Variants in MDGA2 observed in about 807,000 individuals in gnomAD.
MDGA2 encodes the protein MAM domain-containing glycosylphosphatidylinositol anchor protein 2.
Under a neutral mutation model 117.8 loss-of-function variants are expected in MDGA2, and 40 were observed. The observed-to-expected ratio is 0.34, with a 90% CI of 0.26 to 0.44. The LOEUF (loss-of-function observed/expected upper bound fraction) is 0.44, where lower values mean the gene tolerates loss of function less well. Ranked by LOEUF, MDGA2 falls within the 20% of genes least tolerant of loss-of-function variation. The pLI, the probability that MDGA2 is intolerant of heterozygous loss-of-function variation, is 1.00. For synonymous variants in MDGA2, 452 were observed against 439.0 expected, an observed-to-expected ratio of 1.03 and a Z score of -0.37; for missense variants, 1,123 against 1,250.6, an observed-to-expected ratio of 0.90 and a Z score of 1.54.
rs550635256 is a variant in MDGA2 at position 47,531,779 on chromosome 14, G to T, written c.280+142738C>A. Among the ~76,000 whole-genome samples the T allele has an allele frequency of 7.9e-5, 12 of 152,234 alleles. No individual in the cohort carries two copies. In the South Asian group the frequency reaches 2.5e-3, roughly 32 times the overall value. ...ACCCTTTGAAATTAAGGAAATAATG[G>T]TTTCTTATTTGAAGCACTTATTTCT... On this transcript the variant is annotated intron_variant, in intron 1 of 16. Coordinates refer to ENST00000399232, the MANE Select transcript of MDGA2 (RefSeq NM_001113498.3).
At chr14:47,571,144 C>T (rs945269105) in intron 1 of MDGA2, among the ~76,000 whole-genome samples, 39 of 152,210 alleles carry the variant, frequency 2.6e-4, no homozygotes, top group African/African-American at 8.2e-4. Flanking sequence ...AGCCAACAAA[C>T]ATGAAAAAAA....
chr14:47,527,103 T>C (rs1894987761), intron 1 of MDGA2, among the ~76,000 whole-genome samples: 1 of 152,168 alleles, frequency 6.6e-6, no homozygotes, highest in Non-Finnish European at 1.5e-5. Context: ...CTTCACTTAA[T>C]TCACACAGAG....
chr14:47,614,323 C>T (rs1896910411), intron 1 of MDGA2, among the ~76,000 whole-genome samples: 1 of 152,020 alleles, frequency 6.6e-6, no homozygotes, highest in Non-Finnish European at 1.5e-5. Flanking sequence ...CTCCTGACTT[C>T]AAGTGATCCA....
chr14:47,101,064 G>C (rs571224324), intron 5 of MDGA2, among the ~76,000 whole-genome samples: 4 of 149,448 alleles, frequency 2.7e-5, no homozygotes, highest in African/African-American at 5.0e-5. Context: ...GATACTTGAT[G>C]AATGGAGGGA....
At chr14:47,015,527 A>G (rs1187680056) in intron 8 of MDGA2, among the ~76,000 whole-genome samples, 1 of 152,064 alleles carries the variant, frequency 6.6e-6, no homozygotes, top group African/African-American at 2.4e-5. Context: ...GGAAGTGAAA[A>G]CTGAGCTATC....
At chr14:47,140,794 T>C (rs1221925801) in intron 4 of MDGA2, among the ~76,000 whole-genome samples, 1 of 151,834 alleles carries the variant, frequency 6.6e-6, no homozygotes, top group African/African-American at 2.4e-5. Flanking sequence ...GAAACAGAAA[T>C]AGAGAAACAG....
intron 1 of MDGA2, among the ~76,000 whole-genome samples, chr14:47,500,725 T>C (rs1048127888): frequency 6.6e-6 from 1 of 152,096 alleles, no homozygotes; most frequent in Non-Finnish European, 1.5e-5. Context: ...AAAATCCATA[T>C]ATTCACAAGG....
At chr14:47,464,774 T>C (rs968668971) in intron 1 of MDGA2, among the ~76,000 whole-genome samples, 2 of 152,102 alleles carry the variant, frequency 1.3e-5, no homozygotes, top group Non-Finnish European at 2.9e-5. Flanking sequence ...ACAGACTCAA[T>C]GCTATTCCTA....
intron 8 of MDGA2, among the ~76,000 whole-genome samples, chr14:47,014,275 G>T (rs553938490): frequency 6.6e-6 from 1 of 152,136 alleles, no homozygotes; most frequent in Non-Finnish European, 1.5e-5. Flanking sequence ...AGTAGATTTA[G>T]CATGATTCTT....
intron 6 of MDGA2, among the ~76,000 whole-genome samples, chr14:47,083,662 G>T (rs1890788523): frequency 6.6e-6 from 1 of 151,896 alleles, no homozygotes; most frequent in African/African-American, 2.4e-5. Flanking sequence ...TAAAAAACAG[G>T]ACTCACCTAT....
chr14:47,123,794 T>C (rs1341571899), intron 5 of MDGA2, among the ~76,000 whole-genome samples: 2 of 152,054 alleles, frequency 1.3e-5, no homozygotes, highest in African/African-American at 4.8e-5. Context: ...AGCTATACCC[T>C]GTAGGCAGAA....
At chr14:47,185,943 A>G (rs969470144) in intron 3 of MDGA2, among the ~76,000 whole-genome samples, 4 of 151,610 alleles carry the variant, frequency 2.6e-5, no homozygotes, top group Admixed American at 2.0e-4. Context: ...ACATTTCAAT[A>G]CCTATTTATA....
intron 9 of MDGA2, among the ~76,000 whole-genome samples, chr14:46,932,925 T>C (rs1429455423): frequency 6.6e-6 from 1 of 152,068 alleles, no homozygotes; most frequent in Admixed American, 6.6e-5. Context: ...TCAGTAAGGT[T>C]GTAAGCAATA....
chr14:46,892,061 A>G (rs1882904739), intron 10 of MDGA2, among the ~76,000 whole-genome samples: 1 of 151,878 alleles, frequency 6.6e-6, no homozygotes, highest in South Asian at 2.1e-4. Flanking sequence ...ACAAGTGACA[A>G]CTTTATTAAA....
chr14:47,531,964 ATGT>A (rs1895110197), intron 1 of MDGA2, among the ~76,000 whole-genome samples: 2 of 152,332 alleles, frequency 1.3e-5, no homozygotes, highest in South Asian at 4.1e-4. Flanking sequence ...ATCAAAGCAA[ATGT>A]TGTAGAAAAT....
chr14:47,138,271 A>T (rs543206107), intron 4 of MDGA2, among the ~76,000 whole-genome samples: 1 of 152,160 alleles, frequency 6.6e-6, no homozygotes, highest in South Asian at 2.1e-4. Context: ...TTTGCAAGTG[A>T]ATTTTCATGA....
chr14:47,033,357 C>A (rs1302096215), intron 8 of MDGA2, among the ~76,000 whole-genome samples: 1 of 152,064 alleles, frequency 6.6e-6, no homozygotes, highest in Non-Finnish European at 1.5e-5. Context: ...AAGGAGTGAG[C>A]AGAGTGAAAA....
intron 3 of MDGA2, among the ~76,000 whole-genome samples, chr14:47,189,027 CAAG>C (rs1885013123): frequency 6.6e-6 from 1 of 152,134 alleles, no homozygotes; most frequent in Admixed American, 6.6e-5. Flanking sequence ...TCCTTAGAAA[CAAG>C]AAGCTTTGCT....
chr14:47,036,586 C>T (rs946039071), intron 7 of MDGA2, among the ~76,000 whole-genome samples: 3 of 152,150 alleles, frequency 2.0e-5, no homozygotes, highest in Non-Finnish European at 2.9e-5. Flanking sequence ...GCTATAAATA[C>T]GAATAACCAG....
Sources: allele counts gnomAD v4.1 joint callset (sites outside exome capture counted in the v4.1 genomes callset), GRCh38; gene constraint gnomAD v4.1.1; transcripts MANE v1.5; gene names NCBI Gene and HGNC (gene_info 2026-07-23, HGNC 2026-07-21).